Variants in DYNC1I1 observed in about 807,000 individuals in gnomAD.
DYNC1I1 encodes the protein cytoplasmic dynein 1 intermediate chain 1.
A neutral mutation model predicts 86.6 loss-of-function variants in DYNC1I1; 43 were observed. The ratio of observed to expected loss-of-function variants is 0.50; its 90% CI spans 0.39 to 0.64. The LOEUF (loss-of-function observed/expected upper bound fraction) is 0.64. Ranked by LOEUF, DYNC1I1 falls within the 30% of genes least tolerant of loss-of-function variation. The probability of loss-of-function intolerance (pLI) is 0.00; values close to 1 mark genes in which losing one functional copy is unlikely to be tolerated. For missense variants in DYNC1I1, 604 were observed against 788.8 expected, an observed-to-expected ratio of 0.77 and a Z score of 2.81; for synonymous variants, 262 against 283.7, an observed-to-expected ratio of 0.92 and a Z score of 0.77.
At position 96,074,444 on chromosome 7, in the gene DYNC1I1, G is replaced by T. The variant is rs193082633; in HGVS notation, c.1510-1613G>T. On this transcript the variant is annotated intron_variant, in intron 14 of 16. Coordinates refer to ENST00000447467, the MANE Select transcript of DYNC1I1 (RefSeq NM_001135556.2). ...CGGGCACCTGTAGTCCCAGCTACTCGGGAGGCTGAGGTAGGAGAATGGCGT... is the reference window on the plus strand; with the variant it reads ...CGGGCACCTGTAGTCCCAGCTACTCTGGAGGCTGAGGTAGGAGAATGGCGT... 8.9e-4 allele frequency among the ~76,000 whole-genome samples: 135 copies of T among 151,874 alleles called. 3 individuals carry two copies. The East Asian group carries it at 0.022, about 25-fold the overall frequency.
chr7:95,997,295 A>G lies in DYNC1I1; in HGVS notation c.969+1222A>G, dbSNP rs567484409. ...GAAGCACAAAATCCTAATTTTGTTC[A>G]GTTTTACAAGGTTTGCCGAATTCCC... On this transcript the variant is annotated intron_variant, in intron 10 of 16. Transcript: ENST00000447467. 5.3e-5 allele frequency among the ~76,000 whole-genome samples: 8 copies of G among 151,934 alleles called. No individual in the cohort carries two copies. In the South Asian group the frequency reaches 1.7e-3, roughly 32 times the overall value.
At chr7:96,044,126 T>A (rs572139270) in intron 14 of DYNC1I1, among the ~76,000 whole-genome samples, 2 of 152,238 alleles carry the variant, frequency 1.3e-5, no homozygotes, top group Non-Finnish European at 2.9e-5. Flanking sequence ...ATGGGAGAGC[T>A]TGTGAATGTA....
intron 6 of DYNC1I1, among the ~76,000 whole-genome samples, chr7:95,933,662 A>T (rs555883083): frequency 2.0e-5 from 3 of 152,096 alleles, no homozygotes; most frequent in Non-Finnish European, 4.4e-5. Flanking sequence ...TTTGAATCCA[A>T]ACCCTTGCAG....
chr7:96,044,350 G>A (rs1261689775), intron 14 of DYNC1I1, among the ~76,000 whole-genome samples: 1 of 152,208 alleles, frequency 6.6e-6, no homozygotes, highest in Non-Finnish European at 1.5e-5. Flanking sequence ...AGTGTCCATG[G>A]CAAAAGCAGT....
intron 6 of DYNC1I1, among the ~76,000 whole-genome samples, chr7:95,959,513 T>G (rs973713852): frequency 6.6e-6 from 1 of 152,222 alleles, no homozygotes; most frequent in African/African-American, 2.4e-5. Flanking sequence ...GAGACATTTC[T>G]GACAGATCCC....
intron 1 of DYNC1I1, among the ~76,000 whole-genome samples, chr7:95,780,910 G>A (rs987306879): frequency 1.3e-5 from 2 of 152,058 alleles, no homozygotes; most frequent in Non-Finnish European, 2.9e-5. Flanking sequence ...TAAAACGACC[G>A]TGCGTCTACT....
chr7:95,901,798 G>A (rs569534600), intron 6 of DYNC1I1, among the ~76,000 whole-genome samples: 1 of 152,302 alleles, frequency 6.6e-6, no homozygotes, highest in Non-Finnish European at 1.5e-5. Flanking sequence ...CTGCTTAAGG[G>A]TTGGCCAAAC....
At chr7:95,898,933 A>G (rs1368895111) in intron 6 of DYNC1I1, among the ~76,000 whole-genome samples, 1 of 152,224 alleles carries the variant, frequency 6.6e-6, no homozygotes, top group African/African-American at 2.4e-5. Context: ...CCTATCCTAT[A>G]AACCACAACA....
In DYNC1I1 at chr7:96,086,973, A is replaced by AT. The variant is rs377317811; in HGVS notation, c.1776+6492dup. Among the ~76,000 whole-genome samples, 895 of 152,258 alleles carry AT rather than the reference A, an allele frequency of 5.9e-3. 7 individuals are homozygous for AT. The highest frequency in any genetic ancestry group is 0.02 in the African/African-American group (842 of 41,542). On this transcript the variant is annotated intron_variant, in intron 16 of 16. Transcript: ENST00000447467. ...ATAAAAAAAAGAGATTCAATGGGCC[A>AT]TTTTTTTATGCTTTCAACAGTAGTT...
chr7:95,814,036 T>C (rs1236849057), intron 4 of DYNC1I1, among the ~76,000 whole-genome samples: 2 of 152,178 alleles, frequency 1.3e-5, no homozygotes, highest in Non-Finnish European at 2.9e-5. Flanking sequence ...GGAGTCATGG[T>C]AAATCTCCGA....
At chr7:95,913,903 T>C (rs1310009370) in intron 6 of DYNC1I1, among the ~76,000 whole-genome samples, 4 of 152,242 alleles carry the variant, frequency 2.6e-5, no homozygotes, top group Non-Finnish European at 5.9e-5. Flanking sequence ...AGCCCCATCC[T>C]CATCCCAGGG....
chr7:96,073,359 A>G (rs1484438869), intron 14 of DYNC1I1, among the ~76,000 whole-genome samples: 1 of 152,230 alleles, frequency 6.6e-6, no homozygotes, highest in African/African-American at 2.4e-5. Context: ...AGTTATTTCC[A>G]GATACTTAAA....
intron 5 of DYNC1I1, among the ~76,000 whole-genome samples, chr7:95,868,105 C>T (rs549950579): frequency 2.0e-5 from 3 of 152,298 alleles, no homozygotes; most frequent in Non-Finnish European, 4.4e-5. Context: ...AAAGCTCAGC[C>T]TGGGCCCAGC....
intron 10 of DYNC1I1, among the ~76,000 whole-genome samples, chr7:96,023,758 G>C (rs547261781): frequency 6.6e-6 from 1 of 152,150 alleles, no homozygotes; most frequent in African/African-American, 2.4e-5. Context: ...TAAGGAGGTG[G>C]TCTGTCTTTG....
chr7:95,944,508 G>T (rs1792336975), intron 6 of DYNC1I1, among the ~76,000 whole-genome samples: 1 of 152,166 alleles, frequency 6.6e-6, no homozygotes, highest in Admixed American at 6.5e-5. Context: ...ATCTGACCCA[G>T]CCATCCCATT....
At chr7:95,886,045 CTA>C (rs1449919336) in intron 6 of DYNC1I1, among the ~76,000 whole-genome samples, 2 of 152,166 alleles carry the variant, frequency 1.3e-5, no homozygotes, top group African/African-American at 4.8e-5. Flanking sequence ...CTTTATTGAG[CTA>C]TTACTTGCCC....
At chr7:95,846,904 TAGATCCAACATTTTCTCTA>T (rs1789447453) in intron 5 of DYNC1I1, among the ~76,000 whole-genome samples, 1 of 152,230 alleles carries the variant, frequency 6.6e-6, no homozygotes, top group South Asian at 2.1e-4. Flanking sequence ...TCTTTTTCTA[TAGATCCAACATTTTCTCTA>T]TGACTCCATT....
intron 4 of DYNC1I1, among the ~76,000 whole-genome samples, chr7:95,818,098 A>C (rs949968716): frequency 6.6e-5 from 10 of 152,160 alleles, no homozygotes; most frequent in Admixed American, 6.5e-4. Flanking sequence ...TCACAATAAT[A>C]ACACCCATTG....
intron 1 of DYNC1I1, among the ~76,000 whole-genome samples, chr7:95,778,419 G>A (rs1447346094): frequency 6.6e-6 from 1 of 152,174 alleles, no homozygotes; most frequent in Admixed American, 6.5e-5. Flanking sequence ...ATCTAGCACA[G>A]GTGCTGTGTG....
Sources: allele counts gnomAD v4.1 joint callset (sites outside exome capture counted in the v4.1 genomes callset), GRCh38; gene constraint gnomAD v4.1.1; transcripts MANE v1.5; gene names NCBI Gene and HGNC (gene_info 2026-07-23, HGNC 2026-07-21).